The following MACROD2 variants were observed in gnomAD, a reference collection of about 807,000 sequenced individuals.
The protein encoded by MACROD2 is mono-ADP ribosylhydrolase 2.
MACROD2 carries 36 observed loss-of-function variants against 70.4 expected under a neutral mutation model. The observed-to-expected ratio is 0.51, with a 90% CI of 0.39 to 0.68. The LOEUF is 0.68. MACROD2 is among the 30% of genes least tolerant of loss of function. The pLI, the probability that MACROD2 is intolerant of heterozygous loss-of-function variation, is 0.00. For missense variants in MACROD2, 496 were observed against 538.4 expected, an observed-to-expected ratio of 0.92 and a Z score of 0.78; for synonymous variants, 172 against 178.8, an observed-to-expected ratio of 0.96 and a Z score of 0.30.
At chr20:14,706,791 G>A (rs773707885) in intron 5 of MACROD2, among the ~76,000 whole-genome samples, 6 of 151,938 alleles carry the variant, frequency 3.9e-5, no homozygotes, top group African/African-American at 9.7e-5. Flanking sequence ...AGCAAGCACC[G>A]CCGAGACTGA....
chr20:15,667,297 T>C (rs971590237), intron 8 of MACROD2, among the ~76,000 whole-genome samples: 1 of 152,184 alleles, frequency 6.6e-6, no homozygotes, highest in African/African-American at 2.4e-5. Flanking sequence ...CCGCTTCACC[T>C]TCCGCTGTGA....
intron 5 of MACROD2, among the ~76,000 whole-genome samples, chr20:15,218,947 G>A (rs568966927): frequency 1.1e-4 from 16 of 152,234 alleles, no homozygotes; most frequent in African/African-American, 3.6e-4. Flanking sequence ...TCAGGAGGCT[G>A]AGGCAGGAGA....
chr20:15,455,102 G>A (rs2046705630), intron 7 of MACROD2, among the ~76,000 whole-genome samples: 1 of 152,166 alleles, frequency 6.6e-6, no homozygotes, highest in Non-Finnish European at 1.5e-5. Context: ...CACCCACGTA[G>A]CCAACAGCGA....
At chr20:15,027,789 A>G (rs938424145) in intron 5 of MACROD2, among the ~76,000 whole-genome samples, 1 of 152,064 alleles carries the variant, frequency 6.6e-6, no homozygotes, top group Admixed American at 6.6e-5. Flanking sequence ...TCAGGATAAG[A>G]GTATAAATGG....
chr20:14,041,768 C>G (rs2053394493), intron 2 of MACROD2, among the ~76,000 whole-genome samples: 1 of 152,116 alleles, frequency 6.6e-6, no homozygotes, highest in Non-Finnish European at 1.5e-5. Flanking sequence ...TGAGCAGTAT[C>G]AAGGTAATTA....
At chr20:15,004,959 G>A (rs2075024353) in intron 5 of MACROD2, among the ~76,000 whole-genome samples, 1 of 152,010 alleles carries the variant, frequency 6.6e-6, no homozygotes. Context: ...GGAATATTGT[G>A]GCGAGTAAGG....
chr20:15,901,884 ACT>A (rs952169520), intron 10 of MACROD2, among the ~76,000 whole-genome samples: 3 of 151,878 alleles, frequency 2.0e-5, no homozygotes, highest in Admixed American at 6.6e-5. Context: ...AGATCTGTTG[ACT>A]CTCAGCTATT....
chr20:14,064,758 G>A (rs768427692), intron 2 of MACROD2, among the ~76,000 whole-genome samples: 8 of 152,144 alleles, frequency 5.3e-5, no homozygotes, highest in Non-Finnish European at 1.2e-4. Flanking sequence ...TATTTGGTGG[G>A]CAGCAGCTGT....
chr20:14,028,010 C>G (rs1400992166), intron 2 of MACROD2, among the ~76,000 whole-genome samples: 1 of 152,210 alleles, frequency 6.6e-6, no homozygotes, highest in African/African-American at 2.4e-5. Context: ...AAGCTGCGCT[C>G]ACAGCCGCCC....
chr20:14,734,367 G>A (rs1360705896), intron 5 of MACROD2, among the ~76,000 whole-genome samples: 4 of 151,628 alleles, frequency 2.6e-5, no homozygotes, highest in Non-Finnish European at 4.4e-5. Context: ...CACGTGTAGT[G>A]GCGGGTGCCT....
At chr20:15,000,164 CATG>C (rs2074981844) in intron 5 of MACROD2, among the ~76,000 whole-genome samples, 1 of 152,174 alleles carries the variant, frequency 6.6e-6, no homozygotes, top group African/African-American at 2.4e-5. Flanking sequence ...CAACTGAATT[CATG>C]ATGATGATTG....
intron 5 of MACROD2, among the ~76,000 whole-genome samples, chr20:15,081,588 G>T (rs543775890): frequency 8.5e-5 from 13 of 152,254 alleles, no homozygotes; most frequent in African/African-American, 2.9e-4. Flanking sequence ...CTGGGGAATG[G>T]AGAAGGATTA....
intron 4 of MACROD2, among the ~76,000 whole-genome samples, chr20:14,539,693 A>T (rs1387903079): frequency 6.6e-6 from 1 of 152,248 alleles, no homozygotes; most frequent in East Asian, 1.9e-4. Context: ...TATGTGCCAT[A>T]AATCCTCTAT....
In MACROD2 at chr20:14,254,189, G is replaced by C. The variant is rs143269688; in HGVS notation, c.271+168461G>C. ...TTATTATTCAGGCCTGAATTTTGTGGTATATTGAGGATTTTACTATTATCA... is the reference window on the plus strand; with the variant it reads ...TTATTATTCAGGCCTGAATTTTGTGCTATATTGAGGATTTTACTATTATCA... On this transcript the variant is annotated intron_variant, in intron 3 of 17. Transcript: ENST00000684519. Among the ~76,000 whole-genome samples the C allele has an allele frequency of 8.9e-3, 1,352 of 151,948 alleles. 6 individuals carry two copies. The highest frequency in any genetic ancestry group is 0.019 in the Middle Eastern group (5 of 270).
At position 15,138,063 on chromosome 20, in the gene MACROD2, A is replaced by G. The variant is rs182652841; in HGVS notation, c.419-91877A>G. ...ACAATATCAATCAGTTAGTAAAATA[A>G]TTGAGTAACCCCTGTTTTTATATAT... is the stretch of plus-strand genomic sequence containing the variant. On this transcript the variant is annotated intron_variant, in intron 5 of 17. Coordinates refer to ENST00000684519, the MANE Select transcript of MACROD2 (RefSeq NM_001351661.2). 3.0e-3 allele frequency among the ~76,000 whole-genome samples: 464 copies of G among 152,286 alleles called. 4 individuals carry two copies. Among genetic ancestry groups the G allele is most frequent in the Non-Finnish European group, 4.8e-3 (325 of 68,022 alleles).
chr20:14,287,352 A>T (rs557434519), intron 3 of MACROD2, among the ~76,000 whole-genome samples: 1 of 152,240 alleles, frequency 6.6e-6, no homozygotes, highest in Admixed American at 6.5e-5. Flanking sequence ...AGGGGAGGTG[A>T]TTACAAAATT....
At chr20:15,813,882 T>C (rs889678762) in intron 8 of MACROD2, among the ~76,000 whole-genome samples, 3 of 152,242 alleles carry the variant, frequency 2.0e-5, no homozygotes, top group Non-Finnish European at 4.4e-5. Flanking sequence ...AGTTCACTAT[T>C]ACATAAAACA....
At chr20:15,791,055 G>T (rs2063620385) in intron 8 of MACROD2, among the ~76,000 whole-genome samples, 1 of 151,694 alleles carries the variant, frequency 6.6e-6, no homozygotes, top group South Asian at 2.1e-4. Context: ...TTTTTCAAAA[G>T]GTCTAAAACT....
chr20:15,513,757 G>T (rs546234233), intron 8 of MACROD2, among the ~76,000 whole-genome samples: 128 of 152,214 alleles, frequency 8.4e-4, no homozygotes, highest in African/African-American at 3.0e-3. Context: ...TAATACCCCA[G>T]GGTAACTGGA....
Sources: gnomAD v4.1 joint callset for allele counts (sites outside exome capture counted in the v4.1 genomes callset) on GRCh38, gnomAD v4.1.1 for gene constraint, MANE v1.5 for transcripts, NCBI Gene and HGNC (gene_info 2026-07-23, HGNC 2026-07-21) for gene names.